CTSK: variants seen among roughly 807,000 people sequenced by gnomAD.
CTSK encodes cathepsin O.
In CTSK, 26 loss-of-function variants were observed where a neutral mutation model predicts 40.5. The observed-to-expected ratio is 0.64, with a 90% CI of 0.47 to 0.89. The LOEUF is 0.89. CTSK is among the 40% of genes least tolerant of loss of function. The pLI, the probability that CTSK is intolerant of heterozygous loss-of-function variation, is 0.00. For missense variants in CTSK, 292 were observed against 400.1 expected, an observed-to-expected ratio of 0.73 and a Z score of 2.30; for synonymous variants, 132 against 143.2, an observed-to-expected ratio of 0.92 and a Z score of 0.56.
intron 5 of CTSK, chr1:150,801,035 T>C (rs1349590743): frequency 6.7e-6 from 1 of 150,144 alleles, no homozygotes; most frequent in Non-Finnish European, 1.5e-5. Flanking sequence ...TATGTGATGA[T>C]ACTTTAAAGT....
At chr1:150,807,697 C>T (rs1025504139) in intron 1 of CTSK, among the ~76,000 whole-genome samples, 1 of 152,214 alleles carries the variant, frequency 6.6e-6, no homozygotes, top group African/African-American at 2.4e-5. Flanking sequence ...TACAAATCCT[C>T]CATTTTAAGA....
rs1211279895 is a variant in CTSK at position 150,806,097 on chromosome 1, C to T, written c.243+5G>A. 1.7e-5 allele frequency: 28 copies of T among 1,614,194 alleles called. No homozygotes were observed. Among genetic ancestry groups the T allele is most frequent in the Non-Finnish European group, 2.4e-5 (28 of 1,180,046 alleles). On this transcript the variant is annotated splice_donor_5th_base_variant and intron_variant, in intron 3 of 7. Coordinates refer to ENST00000271651, the MANE Select transcript of CTSK (RefSeq NM_000396.4). The stretch of plus-strand genomic sequence containing the variant: ...AGGTGGGACAGGAGCTGAAGCTATA[C>T]TTGCCATGTCCCCCAGGTGGTTCAT...
Position 150,798,552 on chromosome 1 carries a change from G to T in CTSK, c.890+616C>A, listed in dbSNP as rs183862422. 7.6e-4 allele frequency among the ~76,000 whole-genome samples: 116 copies of T among 152,304 alleles called. 1 individual carries two copies. The highest frequency in any genetic ancestry group is 5.8e-3 in the Admixed American group (89 of 15,294). On this transcript the variant is annotated intron_variant, in intron 7 of 7. Transcript: ENST00000271651. ...TGTCACTAAGCACCTTGCACACAGG[G>T]AGCATCTGCCCAGCACATAATTGAG... is the stretch of plus-strand genomic sequence containing the variant.
At chr1:150,800,483 C>T (rs1441229584) in intron 5 of CTSK, 1 of 153,302 alleles carries the variant, frequency 6.5e-6, no homozygotes. Flanking sequence ...TAACAAGACA[C>T]TAAAATAGAT....
chr1:150,799,680 G>T lies in CTSK; in HGVS notation c.648C>A (p.Gly216=), dbSNP rs147638275. 6.2e-7 allele frequency: 1 copy of T among 1,614,134 alleles called. No homozygotes were observed. ...TGTACCCTCTGCATTTAGCTGCCTT[G>T]CCTGTTGGGTTGTACATACAACTCT... is the stretch of plus-strand genomic sequence containing the variant. The part of the protein sequence containing the change: ...QEESCMYNPT[G]KAAKCRGYRE... The change falls in exon 6 of 8, where the codon GGC becomes GGA. Residue 216 remains glycine (G), a synonymous_variant. Coordinates refer to ENST00000271651, the MANE Select transcript of CTSK (RefSeq NM_000396.4).
intron 5 of CTSK, 126 bp from the exon 6 acceptor site, chr1:150,799,835 A>G: frequency 1.1e-6 from 1 of 923,428 alleles, no homozygotes; most frequent in East Asian, 2.4e-5. Context: ...TAGGGTTTCT[A>G]GAGAGGGTCT....
chr1:150,798,500 G>C (rs1326220161), intron 7 of CTSK, among the ~76,000 whole-genome samples: 1 of 152,134 alleles, frequency 6.6e-6, no homozygotes, highest in Non-Finnish European at 1.5e-5. Flanking sequence ...GCTCACTGAA[G>C]GTGTCATCTG....
At chr1:150,797,370 A>G (rs974197921) in intron 7 of CTSK, among the ~76,000 whole-genome samples, 2 of 152,226 alleles carry the variant, frequency 1.3e-5, no homozygotes, top group South Asian at 2.1e-4. Flanking sequence ...GTGACCCATC[A>G]TCGTGAGGAG....
intron 1 of CTSK, 60 bp from the exon 2 acceptor site, chr1:150,806,866 A>C (rs587662312): frequency 6.3e-7 from 1 of 1,593,086 alleles, no homozygotes; most frequent in East Asian, 2.2e-5. Context: ...GAGGAAAACT[A>C]GGCTTTATGA....
In CTSK at chr1:150,799,162, C is replaced by G; in HGVS notation, c.890+6G>C. On this transcript the variant is annotated splice_donor_region_variant and intron_variant, in intron 7 of 7. Coordinates refer to ENST00000271651, the MANE Select transcript of CTSK (RefSeq NM_000396.4). ...TGAATAACAAAAGTAGTGTTCCCAT[C>G]ATTACCTGTTTTTAATTATCCAGTG... 1 of 1,567,298 alleles carries G rather than the reference C, an allele frequency of 6.4e-7. No homozygotes were observed. The highest frequency in any genetic ancestry group is 8.8e-7 in the Non-Finnish European group (1 of 1,137,274).
intron 4 of CTSK, among the ~76,000 whole-genome samples, chr1:150,805,234 G>A (rs370481570): frequency 2.8e-5 from 4 of 144,076 alleles, no homozygotes; most frequent in African/African-American, 5.1e-5. Context: ...AATTTGGGGG[G>A]GGGGAAAGGA....
intron 2 of CTSK, among the ~76,000 whole-genome samples, chr1:150,806,434 G>A (rs1223621162): frequency 6.6e-6 from 1 of 152,086 alleles, no homozygotes; most frequent in Non-Finnish European, 1.5e-5. Context: ...ATTGCTTATA[G>A]ATTAACAGCA....
At chr1:150,806,280 T>C in intron 2 of CTSK, 56 bp from the exon 3 acceptor site, 4 of 1,590,198 alleles carry the variant, frequency 2.5e-6, no homozygotes, top group Non-Finnish European at 3.4e-6. Context: ...ATATGTAATA[T>C]TGTGAAGGGT....
intron 6 of CTSK, 69 bp downstream of exon 6, chr1:150,799,475 A>C: frequency 6.3e-7 from 1 of 1,578,910 alleles, no homozygotes; most frequent in Non-Finnish European, 8.7e-7. Context: ...AAAATACCCA[A>C]GGTCCTTCGA....
Position 150,796,935 on chromosome 1 carries a change from A to G in CTSK, c.891-37T>C, listed in dbSNP as rs370186457. The G allele has an allele frequency of 3.3e-5, 44 of 1,323,846 alleles. No homozygotes were observed. The African/African-American group carries it at 5.9e-4, about 18-fold the overall frequency. The allele number at this position is 1,323,846 out of a possible 1,614,324, so 82.0% of individuals were successfully genotyped here. ...ATCAAGAAAAATACTTAGTACTCTCAGTTTATTTATTCATTAAAATATTTA... is the reference window on the plus strand; with the variant it reads ...ATCAAGAAAAATACTTAGTACTCTCGGTTTATTTATTCATTAAAATATTTA... On this transcript the variant is annotated intron_variant, in intron 7 of 7. Coordinates refer to ENST00000271651, the MANE Select transcript of CTSK (RefSeq NM_000396.4).
chr1:150,805,777 C>T, intron 4 of CTSK, 84 bp downstream of exon 4: 2 of 1,404,090 alleles, frequency 1.4e-6, no homozygotes, highest in Non-Finnish European at 2.0e-6. Context: ...TTTCCTGGTG[C>T]CCTTTCACCT....
Position 150,799,553 on chromosome 1 carries a change from A to G in CTSK, c.775T>C (p.Tyr259His), listed in dbSNP as rs1250833583. ...ATCAGCAGCTTCTTACCTTTGCTGT[A>G]AAACTGGAAGGAGGTCAGGCTTGCA... Reference protein sequence around the residue: ...IDASLTSFQFYSKGVYYDESC... With the variant: ...IDASLTSFQFHSKGVYYDESC... Residue 259 changes from tyrosine (Y) to histidine (H), a missense_variant, in exon 6 of 8, where the codon TAC becomes CAC. Transcript: ENST00000271651. 1 of 1,614,192 alleles carries G rather than the reference A, an allele frequency of 6.2e-7. No individual in the cohort carries two copies. Among genetic ancestry groups the G allele is most frequent in the African/African-American group, 1.3e-5 (1 of 75,058 alleles).
intron 7 of CTSK, among the ~76,000 whole-genome samples, chr1:150,797,932 GTGATATAAAA>G (rs1303728828): frequency 2.0e-5 from 3 of 152,224 alleles, no homozygotes; most frequent in Admixed American, 1.3e-4. Context: ...AGTTGGAACT[GTGATATAAAA>G]AGTTGCTTCA....
intron 7 of CTSK, 38 bp downstream of exon 7, chr1:150,799,130 G>T: frequency 7.5e-7 from 1 of 1,337,202 alleles, no homozygotes; most frequent in Non-Finnish European, 1.1e-6. Flanking sequence ...AGTGTTAAAA[G>T]GGTGACTGAA....
Sources: allele counts gnomAD v4.1 joint callset (sites outside exome capture counted in the v4.1 genomes callset), GRCh38; gene constraint gnomAD v4.1.1; transcripts MANE v1.5; gene names NCBI Gene and HGNC (gene_info 2026-07-23, HGNC 2026-07-21).